Variants in DENND6A observed in about 807,000 individuals in gnomAD.
The protein encoded by DENND6A is DENN domain containing 6A, also known as protein DENND6A.
Under a neutral mutation model 95.5 loss-of-function variants are expected in DENND6A, and 43 were observed. The ratio of observed to expected loss-of-function variants is 0.45; its 90% CI spans 0.35 to 0.58. DENND6A has a LOEUF of 0.58. Among genes scored for constraint, DENND6A ranks in the 20% least tolerant of loss-of-function variants. DENND6A has a pLI of 0.00. For missense variants in DENND6A, 574 were observed against 736.0 expected (o/e 0.78, Z 2.55); for synonymous variants, 257 against 260.4 (o/e 0.99, Z 0.13).
rs55772491 is a variant in DENND6A, at chr3:57,650,785, A to ATT, written c.819-4349_819-4348dup. Among the ~76,000 whole-genome samples, 483 of 142,988 alleles carry ATT rather than the reference A, an allele frequency of 3.4e-3. 2 individuals are homozygous for ATT. Among genetic ancestry groups the ATT allele is most frequent in the East Asian group, 0.032 (156 of 4,914 alleles). The allele number at this position is 142,988 out of a possible 152,430, so 93.8% of individuals were successfully genotyped here. On this transcript the variant is annotated intron_variant, in intron 9 of 19. Transcript: ENST00000311128. Reference sequence around the variant, plus strand: ...ACAAAATGTAGTATATCCACATGGAATTTTTTTTTTTTTTTTGAGATGGAG... The same window carrying ATT: ...ACAAAATGTAGTATATCCACATGGAATTTTTTTTTTTTTTTTTTGAGATGGAG...
chr3:57,661,540 C>CAA lies in DENND6A; in HGVS notation c.523_524dup (p.Leu175PhefsTer2). ...AATGAATATAAGGTAGTTTGCTGATCAAAACCAAGGACTGAGGAAAAAACA... is the reference window on the plus strand; with the variant it reads ...AATGAATATAAGGTAGTTTGCTGATCAAAAAACCAAGGACTGAGGAAAAAACA... On this transcript the variant is annotated frameshift_variant, in exon 6 of 20. Coordinates refer to ENST00000311128, the MANE Select transcript of DENND6A (RefSeq NM_152678.3). LOFTEE classifies it high-confidence loss of function. 6.3e-7 allele frequency: 1 copy of CAA among 1,578,660 alleles called. No individual in the cohort carries two copies. The highest frequency in any genetic ancestry group is 8.5e-7 in the Non-Finnish European group (1 of 1,171,926).
chr3:57,635,079 T>A (rs982551247), intron 12 of DENND6A, among the ~76,000 whole-genome samples: 2 of 152,200 alleles, frequency 1.3e-5, no homozygotes, highest in Admixed American at 6.5e-5. Flanking sequence ...AAAATCTATA[T>A]GCCAAATACA....
At chr3:57,629,129 GCTT>G (rs2070602120) in intron 18 of DENND6A, among the ~76,000 whole-genome samples, 1 of 152,150 alleles carries the variant, frequency 6.6e-6, no homozygotes, top group African/African-American at 2.4e-5. Flanking sequence ...TACTGAGGTG[GCTT>G]TTTTAGATCA....
chr3:57,644,149 C>CA (rs1177987681), intron 11 of DENND6A, among the ~76,000 whole-genome samples: 2,774 of 73,010 alleles, frequency 0.038, 46 homozygotes, highest in African/African-American at 0.079. Context: ...GACTCCATCT[C>CA]AAAAAAAAAA....
intron 1 of DENND6A, among the ~76,000 whole-genome samples, chr3:57,683,534 G>A (rs929842191): frequency 2.6e-5 from 4 of 152,112 alleles, no homozygotes. Context: ...TCCACAGGAC[G>A]GTAAAGCATT....
chr3:57,661,140 C>G (rs1262370025), intron 6 of DENND6A, among the ~76,000 whole-genome samples: 2 of 152,190 alleles, frequency 1.3e-5, no homozygotes, highest in Non-Finnish European at 2.9e-5. Flanking sequence ...GGCCTTCCAT[C>G]TGTAGCAAGT....
intron 12 of DENND6A, 134 bp downstream of exon 12, chr3:57,641,519 G>T (rs951319140): frequency 3.6e-6 from 2 of 561,240 alleles, no homozygotes; most frequent in Non-Finnish European, 5.7e-6. Flanking sequence ...TGGGAAATTA[G>T]CAGGAAATTA....
In DENND6A at chr3:57,628,897, A is replaced by T. The variant is rs753737447; in HGVS notation, c.1621-12T>A. 4.7e-5 allele frequency: 76 copies of T among 1,607,922 alleles called. No homozygotes were observed. The Middle Eastern group carries it at 2.0e-3, about 42-fold the overall frequency. On this transcript the variant is annotated splice_polypyrimidine_tract_variant and intron_variant, in intron 18 of 19. Coordinates refer to ENST00000311128, the MANE Select transcript of DENND6A (RefSeq NM_152678.3). ...CAGAGAAGTAAGTCCTAGAATAAAT[A>T]AAGTCCCAAATCAGTAAGTTCTCAA...
chr3:57,690,718 A>C (rs2077256493), intron 1 of DENND6A, among the ~76,000 whole-genome samples: 1 of 152,018 alleles, frequency 6.6e-6, no homozygotes, highest in Non-Finnish European at 1.5e-5. Flanking sequence ...AAGGGGAAGA[A>C]GGCAGTTTGC....
intron 9 of DENND6A, among the ~76,000 whole-genome samples, chr3:57,651,292 A>G (rs533526222): frequency 2.0e-5 from 3 of 152,226 alleles, no homozygotes; most frequent in Non-Finnish European, 4.4e-5. Flanking sequence ...ACAATTTGCA[A>G]ACTTACAATG....
intron 3 of DENND6A, among the ~76,000 whole-genome samples, chr3:57,668,761 A>G (rs1013500563): frequency 3.3e-5 from 5 of 152,224 alleles, no homozygotes; most frequent in African/African-American, 9.6e-5. Flanking sequence ...AATGGAAATA[A>G]AGGCTTGATT....
Position 57,693,024 on chromosome 3 carries a change from G to A in DENND6A, c.-6C>T, listed in dbSNP as rs377380916. On this transcript the variant is annotated 5_prime_UTR_variant, in exon 1 of 20. Coordinates refer to ENST00000311128, the MANE Select transcript of DENND6A (RefSeq NM_152678.3). ...GCAGGGCCCCTCAAAGCCATCGGCC[G>A]CCCCCTGACCGTTCGCGCCGCCTCC... The A allele has an allele frequency of 4.7e-4, 661 of 1,421,014 alleles. No individual in the cohort carries two copies. The highest frequency in any genetic ancestry group is 5.6e-4 in the Non-Finnish European group (620 of 1,099,034). The allele number at this position is 1,421,014 out of a possible 1,614,324, so 88.0% of individuals were successfully genotyped here. A position where few individuals can be genotyped will look rare whatever the true frequency, so the allele number is the denominator to read the frequency against.
chr3:57,661,470 T>C lies in DENND6A; in HGVS notation c.595A>G (p.Lys199Glu). Residue 199 changes from lysine to glutamate, a missense_variant, in exon 6 of 20, where the codon AAG (lysine) becomes GAG (glutamate). By Grantham distance (56) the Lys-to-Glu change is moderately conservative. Coordinates refer to ENST00000311128, the MANE Select transcript of DENND6A (RefSeq NM_152678.3). ...CCTGCTTCCAAATAAGGTTCATTCT[T>C]TTCAAAATACTCTGGTGCTATCTGT... ...LKQIAPEYFE[K>E]NEPYLEAACN... 6.3e-7 allele frequency: 1 copy of C among 1,575,366 alleles called. No individual in the cohort carries two copies. The highest frequency in any genetic ancestry group is 1.2e-5 in the South Asian group (1 of 82,844).
Position 57,656,379 on chromosome 3 carries a change from A to G in DENND6A, c.818+1301T>C, listed in dbSNP as rs888795293. ...TCCTTCTTTTTTTTAACTGCTGAAT[A>G]GTATTCCATGTGCATTCATGTATTA... On this transcript the variant is annotated intron_variant, in intron 9 of 19. Transcript: ENST00000311128. Among the ~76,000 whole-genome samples the G allele has an allele frequency of 2.0e-5, 3 of 152,184 alleles. No individual in the cohort carries two copies. The South Asian group carries it at 6.2e-4, about 32-fold the overall frequency.
At chr3:57,671,256 G>A (rs1325712954) in intron 3 of DENND6A, among the ~76,000 whole-genome samples, 1 of 152,204 alleles carries the variant, frequency 6.6e-6, no homozygotes, top group Non-Finnish European at 1.5e-5. Context: ...CGGGTGTGGT[G>A]GCTCACGCCT....
At chr3:57,672,141 A>G in intron 3 of DENND6A, 115 bp downstream of exon 3, 3 of 1,005,188 alleles carry the variant, frequency 3.0e-6, no homozygotes, top group Non-Finnish European at 4.3e-6. Flanking sequence ...AGGAATAAAA[A>G]TCATTGATCT....
In DENND6A at chr3:57,644,510, G is replaced by T. The variant is rs542242843; in HGVS notation, c.1037+1151C>A. 2.7e-5 allele frequency among the ~76,000 whole-genome samples: 4 copies of T among 150,872 alleles called. No homozygotes were observed. In the South Asian group the frequency reaches 8.4e-4, roughly 32 times the overall value. On this transcript the variant is annotated intron_variant, in intron 11 of 19. Coordinates refer to ENST00000311128, the MANE Select transcript of DENND6A (RefSeq NM_152678.3). ...TTTTGTGGAGACAGGGTTTTGCCATGTTGCCCAGGCTGGTCTCTAACTCCT... is the reference window on the plus strand; with the variant it reads ...TTTTGTGGAGACAGGGTTTTGCCATTTTGCCCAGGCTGGTCTCTAACTCCT...
At chr3:57,682,927 C>T in intron 1 of DENND6A, among the ~76,000 whole-genome samples, 1 of 152,326 alleles carries the variant, frequency 6.6e-6, no homozygotes, top group East Asian at 1.9e-4. Context: ...ATCCACCCAC[C>T]TCAGCCTCCC....
At chr3:57,665,682 A>C (rs1199190372) in intron 4 of DENND6A, among the ~76,000 whole-genome samples, 1 of 152,190 alleles carries the variant, frequency 6.6e-6, no homozygotes, top group East Asian at 1.9e-4. Context: ...CTTAAAAAAA[A>C]ATCTAGGCTG....
Sources: allele counts gnomAD v4.1 joint callset (sites outside exome capture counted in the v4.1 genomes callset), GRCh38; gene constraint gnomAD v4.1.1; transcripts MANE v1.5; gene names NCBI Gene and HGNC (gene_info 2026-07-23, HGNC 2026-07-21).